The following AADAT variants were observed in gnomAD, a reference collection of about 807,000 sequenced individuals.
AADAT encodes the protein aminoadipate aminotransferase, also known as kynurenine/alpha-aminoadipate aminotransferase, mitochondrial.
AADAT carries 25 observed loss-of-function variants against 56.2 expected under a neutral mutation model. The ratio of observed to expected loss-of-function variants is 0.44; its 90% CI spans 0.32 to 0.62. The LOEUF (loss-of-function observed/expected upper bound fraction) is 0.62, where lower values mean the gene tolerates loss of function less well. AADAT is among the 20% of genes least tolerant of loss of function. The probability of loss-of-function intolerance (pLI) is 0.04; values close to 1 mark genes in which losing one functional copy is unlikely to be tolerated. For missense variants in AADAT, 387 were observed against 510.5 expected, an observed-to-expected ratio of 0.76 and a Z score of 2.33; for synonymous variants, 173 against 164.7, an observed-to-expected ratio of 1.05 and a Z score of -0.39.
intron 2 of AADAT, 102 bp from the exon 3 acceptor site, chr4:170,087,350 C>G: frequency 8.9e-7 from 1 of 1,124,358 alleles, no homozygotes; most frequent in Non-Finnish European, 1.2e-6. Context: ...ACTTTGTACA[C>G]TCAATTAAAA....
chr4:170,082,373 T>C (rs746262762), intron 3 of AADAT, among the ~76,000 whole-genome samples: 2 of 151,348 alleles, frequency 1.3e-5, no homozygotes, highest in African/African-American at 2.5e-5. Context: ...TAACTTGTTA[T>C]AAGATTTTTT....
chr4:170,092,587 T>G (rs1373663361), upstream of AADAT, among the ~76,000 whole-genome samples: 2 of 152,222 alleles, frequency 1.3e-5, no homozygotes, highest in African/African-American at 4.8e-5. Context: ...GCACAGTATC[T>G]AGTAAACCTG....
chr4:170,065,355 G>A (rs1219413334), intron 10 of AADAT, among the ~76,000 whole-genome samples: 4 of 150,882 alleles, frequency 2.7e-5, no homozygotes, highest in South Asian at 2.1e-4. Flanking sequence ...GTTTCATTGA[G>A]TATTAGGATA....
intron 3 of AADAT, among the ~76,000 whole-genome samples, chr4:170,085,353 T>C (rs2111208525): frequency 6.6e-6 from 1 of 152,228 alleles, no homozygotes; most frequent in South Asian, 2.1e-4. Context: ...AAATTTCAAA[T>C]ATCCTAAATT....
intron 8 of AADAT, among the ~76,000 whole-genome samples, chr4:170,068,314 T>C (rs1731581235): frequency 6.6e-6 from 1 of 152,172 alleles, no homozygotes; most frequent in Non-Finnish European, 1.5e-5. Context: ...TTTTCTATTC[T>C]ATTCATATTC....
At position 170,060,665 on chromosome 4, in the gene AADAT, A is replaced by AC. The variant is rs748794589; in HGVS notation, c.*262_*263insG. 2 of 329,966 alleles carry AC rather than the reference A, an allele frequency of 6.1e-6. No individual in the cohort carries two copies. Among genetic ancestry groups the AC allele is most frequent in the Non-Finnish European group, 1.1e-5 (2 of 183,964 alleles). The allele number at this position is 329,966 out of a possible 1,614,324, so 20.4% of individuals were successfully genotyped here. On this transcript the variant is annotated 3_prime_UTR_variant, in exon 13 of 13. Transcript: ENST00000337664. ...AAATTTAATCTTTAAGTCTAATACC[A>AC]GTGTTCATTTCTTCCTGCCAAAACA...
upstream of AADAT, among the ~76,000 whole-genome samples, chr4:170,092,465 A>C (rs182366209): frequency 1.9e-4 from 29 of 152,294 alleles, no homozygotes; most frequent in Admixed American, 8.5e-4. Flanking sequence ...ACACATCCGA[A>C]CCTCAGAAGG....
At chr4:170,065,130 C>G (rs967063157) in intron 10 of AADAT, among the ~76,000 whole-genome samples, 3 of 152,166 alleles carry the variant, frequency 2.0e-5, no homozygotes, top group African/African-American at 7.2e-5. Flanking sequence ...CCACTCCTCT[C>G]TCCTTCACTT....
chr4:170,082,826 CAAAG>C (rs1732380354), intron 3 of AADAT, among the ~76,000 whole-genome samples: 3 of 151,622 alleles, frequency 2.0e-5, no homozygotes, highest in Admixed American at 6.6e-5. Context: ...TAAAAAGAAA[CAAAG>C]AAGGTCACTA....
At chr4:170,073,568 G>C (rs1361946915) in intron 4 of AADAT, among the ~76,000 whole-genome samples, 2 of 151,298 alleles carry the variant, frequency 1.3e-5, no homozygotes, top group African/African-American at 2.4e-5. Flanking sequence ...GCAATGGCGT[G>C]ATCTTGGCTC....
intron 5 of AADAT, 67 bp downstream of exon 5, chr4:170,073,069 T>G (rs1044249315): frequency 6.8e-7 from 1 of 1,462,376 alleles, no homozygotes; most frequent in South Asian, 1.2e-5. Flanking sequence ...GGAGCTTGCA[T>G]AGTGCTCTTC....
intron 3 of AADAT, among the ~76,000 whole-genome samples, chr4:170,083,858 A>G (rs188222537): frequency 8.5e-5 from 13 of 152,328 alleles, no homozygotes; most frequent in African/African-American, 2.9e-4. Context: ...TAGAACTACC[A>G]TATAATCCTG....
At chr4:170,088,264 C>T in intron 2 of AADAT, 132 bp downstream of exon 2, 1 of 943,806 alleles carries the variant, frequency 1.1e-6, no homozygotes, top group Non-Finnish European at 1.5e-6. Flanking sequence ...ATTGAATGAC[C>T]AAATGGGTCA....
intron 11 of AADAT, among the ~76,000 whole-genome samples, chr4:170,064,233 T>C (rs1428170979): frequency 6.6e-6 from 1 of 152,184 alleles, no homozygotes; most frequent in African/African-American, 2.4e-5. Flanking sequence ...AAACAAACCC[T>C]TCATTTTAAA....
chr4:170,064,612 G>C, intron 11 of AADAT, 107 bp downstream of exon 11: 3 of 814,168 alleles, frequency 3.7e-6, no homozygotes, highest in Non-Finnish European at 5.9e-6. Flanking sequence ...TTATGAGTTG[G>C]CTGGTGGGCA....
At chr4:170,080,577 C>G (rs959027103) in intron 3 of AADAT, among the ~76,000 whole-genome samples, 1 of 152,178 alleles carries the variant, frequency 6.6e-6, no homozygotes, top group Non-Finnish European at 1.5e-5. Flanking sequence ...CATGCCAAAA[C>G]AGAGTGACTG....
chr4:170,080,890 G>T (rs1437210149), intron 3 of AADAT, among the ~76,000 whole-genome samples: 1 of 152,054 alleles, frequency 6.6e-6, no homozygotes, highest in Non-Finnish European at 1.5e-5. Flanking sequence ...GCAAAAAACT[G>T]ATGTATACAT....
intron 3 of AADAT, among the ~76,000 whole-genome samples, chr4:170,083,100 A>ATCAGT (rs1207575184): frequency 6.6e-6 from 1 of 151,544 alleles, no homozygotes; most frequent in Non-Finnish European, 1.5e-5. Context: ...CTTTCTTTTC[A>ATCAGT]TCAGCACAAT....
Position 170,073,251 on chromosome 4 carries a change from G to C in AADAT, c.539C>G (p.Pro180Arg). 6.2e-7 allele frequency: 1 copy of C among 1,614,052 alleles called. No individual in the cohort carries two copies. The highest frequency in any genetic ancestry group is 8.5e-7 in the Non-Finnish European group (1 of 1,180,008). ...SLRDILSRWKPEDAKNPQKNT... is the reference protein window; with the variant it reads ...SLRDILSRWKREDAKNPQKNT... ...TTTCTGGGGATTCTTTGCATCTTCT[G>C]GTTTCCATCTGGAAAGTATGTCTCT... The change falls in exon 5 of 13, where the codon CCA becomes CGA. Residue 180 changes from proline (P) to arginine (R), a missense_variant. Physicochemically the swap from Pro to Arg is moderately radical, Grantham distance 103. Transcript: ENST00000337664.
Sources: allele counts gnomAD v4.1 joint callset (sites outside exome capture counted in the v4.1 genomes callset), GRCh38; gene constraint gnomAD v4.1.1; transcripts MANE v1.5; gene names NCBI Gene and HGNC (gene_info 2026-07-23, HGNC 2026-07-21).